WWOX: variants seen among roughly 807,000 people sequenced by gnomAD.
WWOX encodes the protein WW domain-containing oxidoreductase.
WWOX carries 69 observed loss-of-function variants against 46.2 expected under a neutral mutation model. The observed-to-expected ratio is 1.49, with a 90% CI of 1.23 to 1.82. The LOEUF is 1.82. Among genes scored for constraint, WWOX ranks in the 40% most tolerant of loss-of-function variants. The probability of loss-of-function intolerance (pLI) is 0.00; values close to 1 mark genes in which losing one functional copy is unlikely to be tolerated. For missense variants in WWOX, 919 were observed against 542.6 expected (o/e 1.69, Z -6.89); for synonymous variants, 359 against 202.6 (o/e 1.77, Z -6.56).
At chr16:79,137,816 G>A (rs1028945082) in intron 8 of WWOX, among the ~76,000 whole-genome samples, 3 of 151,966 alleles carry the variant, frequency 2.0e-5, no homozygotes, top group Non-Finnish European at 2.9e-5. Context: ...AGGTGTGCCT[G>A]CTGGGTCAGG....
chr16:79,083,292 T>A (rs576369121), intron 8 of WWOX, among the ~76,000 whole-genome samples: 1 of 152,156 alleles, frequency 6.6e-6, no homozygotes, highest in Non-Finnish European at 1.5e-5. Flanking sequence ...GATGGAAATA[T>A]TAAGAGCCAG....
At chr16:79,190,778 G>A (rs1023590791) in intron 8 of WWOX, among the ~76,000 whole-genome samples, 1 of 152,142 alleles carries the variant, frequency 6.6e-6, no homozygotes, top group Non-Finnish European at 1.5e-5. Flanking sequence ...TTTACCTATT[G>A]TCTATGGCTG....
intron 8 of WWOX, among the ~76,000 whole-genome samples, chr16:78,841,374 C>T (rs574457352): frequency 6.6e-5 from 10 of 152,262 alleles, no homozygotes; most frequent in South Asian, 4.1e-4. Flanking sequence ...ATGCCCTTAG[C>T]GAGCAGCTCA....
intron 8 of WWOX, among the ~76,000 whole-genome samples, chr16:78,732,667 C>G (rs924874525): frequency 6.6e-6 from 1 of 152,088 alleles, no homozygotes; most frequent in Non-Finnish European, 1.5e-5. Flanking sequence ...TAACTAACCA[C>G]CTAGATAGGT....
intron 8 of WWOX, among the ~76,000 whole-genome samples, chr16:78,835,706 C>G (rs1006889538): frequency 1.4e-4 from 22 of 152,296 alleles, no homozygotes; most frequent in East Asian, 1.4e-3. Flanking sequence ...GCTAATCTGA[C>G]CTCGTGAAGA....
intron 8 of WWOX, among the ~76,000 whole-genome samples, chr16:78,570,789 G>A (rs1194116199): frequency 6.6e-6 from 1 of 152,134 alleles, no homozygotes; most frequent in East Asian, 1.9e-4. Context: ...TACATTTTCA[G>A]AAACAAACAA....
intron 8 of WWOX, among the ~76,000 whole-genome samples, chr16:78,436,616 G>A (rs1363576903): frequency 1.3e-5 from 2 of 152,146 alleles, no homozygotes; most frequent in African/African-American, 2.4e-5. Context: ...TTTTGCCATT[G>A]AAAGTAATAC....
intron 8 of WWOX, among the ~76,000 whole-genome samples, chr16:78,479,099 A>G (rs1267882294): frequency 6.6e-6 from 1 of 152,050 alleles, no homozygotes; most frequent in Non-Finnish European, 1.5e-5. Context: ...TCCTGAATGT[A>G]GGAGTATTTG....
chr16:78,335,035 C>G (rs564218357), intron 5 of WWOX, among the ~76,000 whole-genome samples: 1 of 152,056 alleles, frequency 6.6e-6, no homozygotes, highest in Non-Finnish European at 1.5e-5. Context: ...GTCAGCATCA[C>G]CTGGTAGCTT....
At chr16:78,926,527 C>A (rs2045502342) in intron 8 of WWOX, among the ~76,000 whole-genome samples, 1 of 152,154 alleles carries the variant, frequency 6.6e-6, no homozygotes, top group African/African-American at 2.4e-5. Flanking sequence ...GAAGTCGCAG[C>A]CATTTAAAAA....
At chr16:78,235,958 C>G (rs1283734717) in intron 5 of WWOX, among the ~76,000 whole-genome samples, 4 of 152,200 alleles carry the variant, frequency 2.6e-5, no homozygotes, top group African/African-American at 9.7e-5. Flanking sequence ...ATATTTTTAG[C>G]TTTGTGGGCT....
chr16:78,858,162 G>GTGTGTA (rs1045501294), intron 8 of WWOX, among the ~76,000 whole-genome samples: 1 of 151,590 alleles, frequency 6.6e-6, no homozygotes, highest in Non-Finnish European at 1.5e-5. Context: ...GTGTGTGTGT[G>GTGTGTA]TGTGTGTGTA....
chr16:78,315,333 G>A (rs1036405004), intron 5 of WWOX, among the ~76,000 whole-genome samples: 2 of 152,130 alleles, frequency 1.3e-5, no homozygotes. Flanking sequence ...GGATAACTCT[G>A]TAGTTTGATA....
At chr16:78,274,071 C>T (rs1597433001) in intron 5 of WWOX, among the ~76,000 whole-genome samples, 1 of 152,192 alleles carries the variant, frequency 6.6e-6, no homozygotes, top group Admixed American at 6.5e-5. Context: ...AACAAATACA[C>T]TCCCAAAACC....
chr16:78,560,010 G>A lies in WWOX; in HGVS notation c.1056+127258G>A, dbSNP rs17640190. ...GAGTTTGCTGTTATATTGCTTCAGA[G>A]AAATTAGTGACATTGAAAGGCTGTT... is the stretch of plus-strand genomic sequence containing the variant. On this transcript the variant is annotated intron_variant, in intron 8 of 8. Transcript: ENST00000566780. Among the ~76,000 whole-genome samples, 552 of 152,298 alleles carry A rather than the reference G, an allele frequency of 3.6e-3. 1 individual carries two copies. The highest frequency in any genetic ancestry group is 6.8e-3 in the Non-Finnish European group (466 of 68,034).
intron 5 of WWOX, among the ~76,000 whole-genome samples, chr16:78,336,878 A>T (rs2080903073): frequency 6.6e-6 from 1 of 152,060 alleles, no homozygotes; most frequent in Non-Finnish European, 1.5e-5. Flanking sequence ...CTCCCAGTTT[A>T]AGCCATTCTC....
intron 8 of WWOX, chr16:78,825,881 C>T (rs2051639736): frequency 4.4e-6 from 3 of 678,500 alleles, no homozygotes; most frequent in Admixed American, 2.1e-5. Flanking sequence ...CCCTAAGAAG[C>T]CTCTGCCTGA....
intron 5 of WWOX, among the ~76,000 whole-genome samples, chr16:78,361,959 C>G (rs1397363003): frequency 1.5e-5 from 2 of 135,088 alleles, no homozygotes; most frequent in Non-Finnish European, 3.1e-5. Flanking sequence ...AGCGTAGATT[C>G]ACAGGTATTT....
intron 8 of WWOX, among the ~76,000 whole-genome samples, chr16:78,919,869 G>A (rs936104704): frequency 2.0e-4 from 30 of 152,088 alleles, no homozygotes; most frequent in African/African-American, 5.1e-4. Flanking sequence ...GTGCCAAAGC[G>A]TCTGCAGACC....
Sources: gnomAD v4.1 joint callset for allele counts (sites outside exome capture counted in the v4.1 genomes callset) on GRCh38, gnomAD v4.1.1 for gene constraint, MANE v1.5 for transcripts, NCBI Gene and HGNC (gene_info 2026-07-23, HGNC 2026-07-21) for gene names.